The following CPVL variants were observed in gnomAD, a reference collection of about 807,000 sequenced individuals.
CPVL encodes the protein probable serine carboxypeptidase CPVL.
CPVL carries 51 observed loss-of-function variants against 63.7 expected under a neutral mutation model. That is an observed-to-expected ratio of 0.80 (90% CI 0.64 to 1.01). The LOEUF is 1.01. CPVL is among the 50% of genes least tolerant of loss of function. The pLI is 0.00. For synonymous variants in CPVL, 195 were observed against 206.0 expected (o/e 0.95, Z 0.46); for missense variants, 530 against 573.1 (o/e 0.92, Z 0.77).
chr7:29,019,081 G>A (rs1786702572), intron 12 of CPVL, among the ~76,000 whole-genome samples: 1 of 151,902 alleles, frequency 6.6e-6, no homozygotes, highest in South Asian at 2.1e-4. Context: ...ACATATCTAT[G>A]TAAGCATAGA....
intron 4 of CPVL, among the ~76,000 whole-genome samples, chr7:29,095,531 T>A (rs1384555264): frequency 6.6e-6 from 1 of 151,868 alleles, no homozygotes; most frequent in East Asian, 1.9e-4. Flanking sequence ...CACATAAGCC[T>A]TTATACTGAG....
At chr7:29,146,790 T>A, upstream of CPVL, 1 of 1,549,306 alleles carries the variant, frequency 6.5e-7, no homozygotes, top group Non-Finnish European at 8.7e-7. Flanking sequence ...CTCCCAGTTT[T>A]TAAAAGCTGC....
intron 3 of CPVL, among the ~76,000 whole-genome samples, chr7:29,101,052 T>C (rs1023827971): frequency 7.2e-5 from 11 of 152,232 alleles, no homozygotes; most frequent in African/African-American, 2.4e-4. Context: ...GAGGTTATTA[T>C]GTGACAATCC....
chr7:29,121,597 CA>C (rs1348232907), intron 1 of CPVL, among the ~76,000 whole-genome samples: 9 of 152,186 alleles, frequency 5.9e-5, no homozygotes, highest in Non-Finnish European at 1.2e-4. Context: ...ATTGAAAGCA[CA>C]TTTCAGGCCG....
intron 3 of CPVL, among the ~76,000 whole-genome samples, chr7:29,099,856 C>G (rs529528272): frequency 3.0e-4 from 46 of 152,322 alleles, no homozygotes; most frequent in African/African-American, 1.1e-3. Context: ...CTGTGCCATC[C>G]TGGCCCTCAG....
intron 1 of CPVL, among the ~76,000 whole-genome samples, chr7:29,141,952 A>G (rs1361085907): frequency 6.6e-6 from 1 of 152,136 alleles, no homozygotes; most frequent in Non-Finnish European, 1.5e-5. Flanking sequence ...GTGAAAAGAT[A>G]GACAAGTTCA....
intron 3 of CPVL, among the ~76,000 whole-genome samples, chr7:29,107,954 C>T (rs549450360): frequency 2.0e-5 from 3 of 152,162 alleles, no homozygotes; most frequent in South Asian, 4.1e-4. Flanking sequence ...CCAGAGAGAA[C>T]GCCTTTTGTT....
intron 3 of CPVL, among the ~76,000 whole-genome samples, chr7:29,096,723 C>T (rs184306928): frequency 5.6e-4 from 86 of 152,240 alleles, no homozygotes; most frequent in African/African-American, 1.9e-3. Flanking sequence ...GTGGCTCACG[C>T]CTGTAATCCC....
At chr7:29,126,329 A>C (rs1470132228) in intron 1 of CPVL, 1 of 152,126 alleles carries the variant, frequency 6.6e-6, no homozygotes, top group Non-Finnish European at 1.5e-5. Context: ...TTTTTTTCAG[A>C]CTGCCAATTG....
chr7:29,065,982 G>T, intron 10 of CPVL, 41 bp downstream of exon 10: 1 of 1,299,276 alleles, frequency 7.7e-7, no homozygotes, highest in Non-Finnish European at 1.1e-6. Context: ...TTTGCCAAAA[G>T]TTTTAAGCAA....
chr7:29,072,546 C>A, intron 7 of CPVL, 123 bp from the exon 8 acceptor site: 1 of 1,068,362 alleles, frequency 9.4e-7, no homozygotes, highest in Non-Finnish European at 1.3e-6. Context: ...CCATCTGTTT[C>A]TTAACCCCAC....
At chr7:29,071,705 G>T in intron 9 of CPVL, 68 bp downstream of exon 9, 3 of 1,164,988 alleles carry the variant, frequency 2.6e-6, no homozygotes, top group Non-Finnish European at 3.7e-6. Flanking sequence ...AGGTGTTCCT[G>T]CTCACCCGCC....
chr7:29,075,956 G>GTTT (rs1554335832), intron 7 of CPVL, among the ~76,000 whole-genome samples: 8,848 of 110,100 alleles, frequency 0.08, 853 homozygotes, highest in East Asian at 0.19. Context: ...TGTTGAGATA[G>GTTT]TTTTTTTTTT....
chr7:29,059,081 C>CA (rs1253676090), intron 11 of CPVL, among the ~76,000 whole-genome samples: 1 of 151,780 alleles, frequency 6.6e-6, no homozygotes, highest in Non-Finnish European at 1.5e-5. Flanking sequence ...TAAGGCTATT[C>CA]AAAAAAAATT....
chr7:29,070,941 T>C (rs1184940408), intron 9 of CPVL, among the ~76,000 whole-genome samples: 1 of 152,234 alleles, frequency 6.6e-6, no homozygotes, highest in Non-Finnish European at 1.5e-5. Context: ...CGACATTAGA[T>C]ATACTGTTAC....
chr7:29,052,725 C>T (rs1016996063), intron 11 of CPVL, among the ~76,000 whole-genome samples: 4 of 152,008 alleles, frequency 2.6e-5, no homozygotes, highest in African/African-American at 4.8e-5. Context: ...CTGGCTCACA[C>T]GGTGAAACCC....
intron 7 of CPVL, among the ~76,000 whole-genome samples, chr7:29,080,709 G>C (rs769667155): frequency 3.9e-5 from 6 of 152,010 alleles, no homozygotes; most frequent in African/African-American, 1.2e-4. Flanking sequence ...CATGGCTCTC[G>C]CATACTGGGA....
chr7:29,133,400 T>C (rs1162672833), intron 1 of CPVL, among the ~76,000 whole-genome samples: 7 of 152,238 alleles, frequency 4.6e-5, no homozygotes, highest in Non-Finnish European at 1.0e-4. Context: ...TGTGTTTTCA[T>C]AGATCTTCTA....
intron 5 of CPVL, among the ~76,000 whole-genome samples, chr7:29,176,621 A>AT (rs1386063005): frequency 6.6e-6 from 1 of 152,194 alleles, no homozygotes; most frequent in Non-Finnish European, 1.5e-5. Flanking sequence ...TTAAAAGGGT[A>AT]TTTTTTAGGA....
Sources: allele counts gnomAD v4.1 joint callset (sites outside exome capture counted in the v4.1 genomes callset), GRCh38; gene constraint gnomAD v4.1.1; transcripts MANE v1.5; gene names NCBI Gene and HGNC (gene_info 2026-07-23, HGNC 2026-07-21).